The following MYO15A variants were observed in gnomAD, a reference collection of about 807,000 sequenced individuals.
The protein encoded by MYO15A is myosin XVA, also known as unconventional myosin-XV.
MYO15A carries 308 observed loss-of-function variants against 394.6 expected under a neutral mutation model. The observed-to-expected ratio is 0.78, with a 90% CI of 0.71 to 0.86. The LOEUF (loss-of-function observed/expected upper bound fraction) is 0.86. Ranked by LOEUF, MYO15A falls within the 40% of genes least tolerant of loss-of-function variation. The pLI, the probability that MYO15A is intolerant of heterozygous loss-of-function variation, is 0.00. For missense variants in MYO15A, 4,606 were observed against 4,799.1 expected (o/e 0.96, Z 1.19); for synonymous variants, 1,957 against 2,003.8 (o/e 0.98, Z 0.62).
At chr17:18,149,627 T>C (rs753975600) in intron 35 of MYO15A, 47 bp downstream of exon 35, 4 of 1,577,312 alleles carry the variant, frequency 2.5e-6, no homozygotes, top group Non-Finnish European at 3.5e-6. Context: ...AGGCACAGCA[T>C]GTACACCCAA....
rs200551105 is a variant in MYO15A, at chr17:18,173,872, C to T, written c.10442C>T (p.Ala3481Val). The part of the protein sequence containing the change: ...ANSSYPYVEI[A>V]LGDVAAQRTL... ...TCCAGCTACCCCTATGTGGAGATTGCGCTGGGGGACGTGGCGGCCCAGCGC... is the reference window on the plus strand; with the variant it reads ...TCCAGCTACCCCTATGTGGAGATTGTGCTGGGGGACGTGGCGGCCCAGCGC... The change falls in exon 65 of 66, where the codon GCG becomes GTG. Residue 3481 changes from alanine to valine, a missense_variant. Around this residue, in one of 2 missense-constraint regions of MYO15A, gnomAD observed 2,776 missense variants for 3,109.3 expected, o/e 0.89. Coordinates refer to ENST00000647165, the MANE Select transcript of MYO15A (RefSeq NM_016239.4). 17 of 1,613,120 alleles carry T rather than the reference C, an allele frequency of 1.1e-5. No individual in the cohort carries two copies. The highest frequency in any genetic ancestry group is 1.4e-5 in the Non-Finnish European group (16 of 1,179,458).
intron 25 of MYO15A, among the ~76,000 whole-genome samples, chr17:18,143,133 G>A (rs2046412097): frequency 6.6e-6 from 1 of 152,226 alleles, no homozygotes; most frequent in South Asian, 2.1e-4. Context: ...GAATGTCACT[G>A]GGTATGGTTT....
rs570681192 is a variant in MYO15A at position 18,157,795 on chromosome 17, C to G, written c.8862C>G (p.Pro2954=). 52 of 1,603,186 alleles carry G rather than the reference C, an allele frequency of 3.2e-5. No homozygotes were observed. Among genetic ancestry groups the G allele is most frequent in the Non-Finnish European group, 4.1e-5 (48 of 1,179,326 alleles). ...PSELVQPAAA[P]DFLQLPTEPG... is the part of the protein sequence containing the mutation. ...AGCTGGTGCAGCCCGCTGCTGCCCC[C>G]GACTTCCTGCAGCTGCCAACGGAGC... Residue 2954 remains proline (P), a synonymous_variant, in exon 51 of 66, where the codon CCC becomes CCG. Coordinates refer to ENST00000647165, the MANE Select transcript of MYO15A (RefSeq NM_016239.4).
At chr17:18,170,049 A>G (rs2046917779) in intron 62 of MYO15A, among the ~76,000 whole-genome samples, 1 of 151,532 alleles carries the variant, frequency 6.6e-6, no homozygotes, top group Admixed American at 6.6e-5. Flanking sequence ...ACATTTTCAA[A>G]GCTCTGTACT....
chr17:18,146,217 G>A, intron 30 of MYO15A, 110 bp downstream of exon 30: 4 of 1,177,818 alleles, frequency 3.4e-6, no homozygotes, highest in South Asian at 1.3e-5. Flanking sequence ...ATGCTGGGAA[G>A]CTCAGGCATG....
intron 64 of MYO15A, 156 bp downstream of exon 64, chr17:18,172,446 T>G: frequency 8.5e-7 from 1 of 1,170,884 alleles, no homozygotes; most frequent in Non-Finnish European, 1.2e-6. Flanking sequence ...TGAGCCTTGC[T>G]TTCCTCATCT....
At chr17:18,141,555 G>T (rs936244054) in intron 22 of MYO15A, 98 bp from the exon 23 acceptor site, 1 of 1,175,092 alleles carries the variant, frequency 8.5e-7, no homozygotes, top group Admixed American at 1.7e-5. Flanking sequence ...ACTGGGACCA[G>T]GCTTTTTGGA....
At chr17:18,173,614 G>C in intron 64 of MYO15A, 167 bp from the exon 65 acceptor site, 1 of 829,846 alleles carries the variant, frequency 1.2e-6, no homozygotes, top group Non-Finnish European at 2.0e-6. Flanking sequence ...CTGAGGTCCA[G>C]AGAGGTAAAG....
chr17:18,140,374 G>A, intron 19 of MYO15A, 143 bp from the exon 20 acceptor site: 1 of 1,146,722 alleles, frequency 8.7e-7, no homozygotes, highest in Non-Finnish European at 1.3e-6. Context: ...AAGCCAGGAT[G>A]ACAGAGGCCT....
intron 54 of MYO15A, 36 bp from the exon 55 acceptor site, chr17:18,159,570 T>G (rs779872454): frequency 2.5e-4 from 397 of 1,608,966 alleles, no homozygotes; most frequent in Non-Finnish European, 3.3e-4. Context: ...CAACTGGGGG[T>G]TTGGTGGGTC....
At chr17:18,133,860 G>T (rs2046215557) in intron 12 of MYO15A, among the ~76,000 whole-genome samples, 1 of 152,210 alleles carries the variant, frequency 6.6e-6, no homozygotes, top group African/African-American at 2.4e-5. Flanking sequence ...GTTTCACCAT[G>T]TTGGCCAGGC....
rs886052683 is a variant in MYO15A at position 18,179,036 on chromosome 17, C to A, written c.*166C>A. 4.2e-6 allele frequency: 3 copies of A among 708,546 alleles called. No homozygotes were observed. The highest frequency in any genetic ancestry group is 7.4e-6 in the Non-Finnish European group (3 of 406,836). 43.9% of individuals were successfully genotyped at this position (708,546 alleles called of 1,614,324 possible). ...TCAAATCCCCAAGAACACAAGAAGA[C>A]CCATCCTGAACTGGGATGGAATGGC... is the stretch of plus-strand genomic sequence containing the variant. On this transcript the variant is annotated 3_prime_UTR_variant, in exon 66 of 66. Coordinates refer to ENST00000647165, the MANE Select transcript of MYO15A (RefSeq NM_016239.4).
chr17:18,163,184 A>G, intron 58 of MYO15A, 60 bp from the exon 59 acceptor site: 2 of 1,560,664 alleles, frequency 1.3e-6, no homozygotes, highest in Middle Eastern at 1.7e-4. Flanking sequence ...GGCAGGAGAC[A>G]AGGGCTGTCC....
At chr17:18,172,728 C>T (rs573202240) in intron 64 of MYO15A, 2 of 327,598 alleles carry the variant, frequency 6.1e-6, no homozygotes, top group East Asian at 1.6e-4. Flanking sequence ...CCTCTGTGTG[C>T]GCACAACCCT....
At chr17:18,127,228 A>G (rs1597771035) in intron 7 of MYO15A, 63 bp downstream of exon 7, 1 of 1,574,070 alleles carries the variant, frequency 6.4e-7, no homozygotes, top group East Asian at 2.3e-5. Flanking sequence ...CACCTCATGT[A>G]CTCCCGAAGA....
intron 18 of MYO15A, chr17:18,139,289 T>C: frequency 1.6e-6 from 1 of 619,142 alleles, no homozygotes; most frequent in Non-Finnish European, 3.0e-6. Flanking sequence ...CATGCCTCTG[T>C]CCCCATCCGG....
At chr17:18,168,022 G>A (rs2046880379) in intron 62 of MYO15A, among the ~76,000 whole-genome samples, 1 of 152,222 alleles carries the variant, frequency 6.6e-6, no homozygotes, top group African/African-American at 2.4e-5. Flanking sequence ...GGAAATACAT[G>A]TAGCTATGCA....
rs1193404091 is a variant in MYO15A at position 18,151,215 on chromosome 17, G to GCCAAGGCT, written c.7590_7597dup (p.Pro2533GlnfsTer13). 4.3e-6 allele frequency: 7 copies of GCCAAGGCT among 1,613,764 alleles called. No individual in the cohort carries two copies. Among genetic ancestry groups the GCCAAGGCT allele is most frequent in the African/African-American group, 1.3e-5 (1 of 74,836 alleles). The stretch of plus-strand genomic sequence containing the variant: ...AAAGCCCTTGGCCCCAGCCCCTCTG[G>GCCAAGGCT]CCAAGGCTCCAAGGCTCCCCATCAA... On this transcript the variant is annotated frameshift_variant, in exon 39 of 66. Coordinates refer to ENST00000647165, the MANE Select transcript of MYO15A (RefSeq NM_016239.4). LOFTEE classifies it high-confidence loss of function.
Position 18,121,893 on chromosome 17 carries a change from C to T in MYO15A, c.3093C>T (p.Thr1031=). ...TGCCAGCAGAGACCAAGCCTCCAAC[C>T]CCAGCACCTCCCAAGGATGTCACTC... ...PQLPAETKPP[T]PAPPKDVTPP... Residue 1031 remains threonine (T), a synonymous_variant, in exon 2 of 66, where the codon ACC becomes ACT. Transcript: ENST00000647165. This position sits in a 1 kb window ranked among gnomAD's most constrained non-coding sequence, Gnocchi z 5.3. The T allele has an allele frequency of 6.2e-7, 1 of 1,612,884 alleles. No individual in the cohort carries two copies. The highest frequency in any genetic ancestry group is 8.5e-7 in the Non-Finnish European group (1 of 1,179,948).
Sources: gnomAD v4.1 joint callset for allele counts (sites outside exome capture counted in the v4.1 genomes callset) on GRCh38, gnomAD v4.1.1 for gene constraint, gnomAD v4.1.1 regional missense constraint, Gnocchi (gnomAD v3.1) non-coding constraint, MANE v1.5 for transcripts, NCBI Gene and HGNC (gene_info 2026-07-23, HGNC 2026-07-21) for gene names.